Variants in PDLIM1 observed in about 807,000 individuals in gnomAD.
The protein encoded by PDLIM1 is PDZ and LIM domain protein 1.
In PDLIM1, 25 loss-of-function variants were observed where a neutral mutation model predicts 35.2. The ratio of observed to expected loss-of-function variants is 0.71; its 90% CI spans 0.52 to 0.99. PDLIM1 has a LOEUF of 0.99. PDLIM1 is among the 50% of genes least tolerant of loss of function. The pLI is 0.00. For synonymous variants in PDLIM1, 152 were observed against 154.0 expected (o/e 0.99, Z 0.10); for missense variants, 363 against 415.3 (o/e 0.87, Z 1.09).
intron 5 of PDLIM1, among the ~76,000 whole-genome samples, chr10:95,245,022 A>G (rs2035207887): frequency 6.6e-6 from 1 of 152,236 alleles, no homozygotes; most frequent in South Asian, 2.1e-4. Flanking sequence ...TAATGCGGGT[A>G]CACAGTAAGA....
At chr10:95,271,868 G>A (rs1433680485) in intron 1 of PDLIM1, 84 bp from the exon 2 acceptor site, 1 of 1,290,150 alleles carries the variant, frequency 7.8e-7, no homozygotes, top group South Asian at 1.3e-5. Context: ...CACTGATATG[G>A]AGCAAAGCCC....
At chr10:95,270,100 G>T (rs774507876) in intron 2 of PDLIM1, among the ~76,000 whole-genome samples, 1 of 152,056 alleles carries the variant, frequency 6.6e-6, no homozygotes, top group African/African-American at 2.4e-5. Flanking sequence ...TTTTCAACAT[G>T]CCGGTAAACA....
chr10:95,258,895 C>T (rs745397621), intron 4 of PDLIM1, among the ~76,000 whole-genome samples: 22 of 152,006 alleles, frequency 1.4e-4, no homozygotes, highest in African/African-American at 2.4e-4. Flanking sequence ...CCTATCGATA[C>T]AAAAACCTAA....
At chr10:95,259,247 A>T (rs2035342001) in intron 4 of PDLIM1, among the ~76,000 whole-genome samples, 1 of 152,196 alleles carries the variant, frequency 6.6e-6, no homozygotes, top group Non-Finnish European at 1.5e-5. Context: ...GTGAATCTAC[A>T]ATTATCTCAA....
intron 3 of PDLIM1, 43 bp from the exon 4 acceptor site, chr10:95,264,106 T>C: frequency 1.3e-6 from 2 of 1,531,332 alleles, no homozygotes; most frequent in South Asian, 1.1e-5. Flanking sequence ...GGGCATCCAA[T>C]GCAAACCCCT....
chr10:95,260,536 C>T (rs542289119), intron 4 of PDLIM1, among the ~76,000 whole-genome samples: 58 of 152,258 alleles, frequency 3.8e-4, no homozygotes, highest in African/African-American at 1.3e-3. Context: ...GAGGACCTCC[C>T]CCTCCACTGT....
At chr10:95,250,466 C>T (rs2035257733) in intron 4 of PDLIM1, among the ~76,000 whole-genome samples, 1 of 151,988 alleles carries the variant, frequency 6.6e-6, no homozygotes, top group African/African-American at 2.4e-5. Flanking sequence ...TATTGATACA[C>T]CTGACTCAAA....
intron 3 of PDLIM1, among the ~76,000 whole-genome samples, chr10:95,267,029 C>T (rs1193539552): frequency 6.6e-6 from 1 of 152,146 alleles, no homozygotes; most frequent in Non-Finnish European, 1.5e-5. Context: ...TGCTCTTACT[C>T]ATTTATCCTC....
At chr10:95,270,751 A>G (rs2035457100) in intron 2 of PDLIM1, among the ~76,000 whole-genome samples, 1 of 151,876 alleles carries the variant, frequency 6.6e-6, no homozygotes, top group Non-Finnish European at 1.5e-5. Flanking sequence ...GCAGCATCCT[A>G]AGGACATTTT....
intron 4 of PDLIM1, among the ~76,000 whole-genome samples, chr10:95,249,764 G>A (rs770678883): frequency 1.3e-5 from 2 of 152,102 alleles, no homozygotes; most frequent in Non-Finnish European, 2.9e-5. Flanking sequence ...AGCAATCAAG[G>A]TCCAGGTGTT....
chr10:95,262,955 C>A (rs1274063701), intron 4 of PDLIM1, among the ~76,000 whole-genome samples: 1 of 151,954 alleles, frequency 6.6e-6, no homozygotes, highest in Non-Finnish European at 1.5e-5. Flanking sequence ...CCAGCCTGGG[C>A]AACACAGTGA....
At chr10:95,268,389 AG>A (rs1285030363) in intron 3 of PDLIM1, among the ~76,000 whole-genome samples, 1 of 152,222 alleles carries the variant, frequency 6.6e-6, no homozygotes, top group Non-Finnish European at 1.5e-5. Context: ...GATTTCTTCT[AG>A]GCTCTAGGCC....
At position 95,268,288 on chromosome 10, in the gene PDLIM1, A is replaced by T. The variant is rs117714942; in HGVS notation, c.333+490T>A. On this transcript the variant is annotated intron_variant, in intron 3 of 6. Coordinates refer to ENST00000329399, the MANE Select transcript of PDLIM1 (RefSeq NM_020992.4). ...AAAGTCTCACTAGAAGTTTCACTGT[A>T]ACAAAAATAGAGATTTCCACTCCAT... Among the ~76,000 whole-genome samples, 908 of 152,326 alleles carry T rather than the reference A, an allele frequency of 6.0e-3. 5 individuals are homozygous for T. The highest frequency in any genetic ancestry group is 0.01 in the Non-Finnish European group (699 of 68,034).
At chr10:95,240,837 G>A (rs1326665824) in intron 5 of PDLIM1, among the ~76,000 whole-genome samples, 1 of 152,140 alleles carries the variant, frequency 6.6e-6, no homozygotes, top group Admixed American at 6.5e-5. Flanking sequence ...TAGATGCTGA[G>A]CTGCCTAAGG....
chr10:95,271,436 C>CA (rs5787128), intron 2 of PDLIM1, among the ~76,000 whole-genome samples, 197 bp downstream of exon 2: 953 of 71,462 alleles, frequency 0.013, 7 homozygotes, highest in South Asian at 0.017. Flanking sequence ...GACTCCGTCT[C>CA]AAAAAAAAAA....
chr10:95,247,508 C>T, intron 4 of PDLIM1, 142 bp from the exon 5 acceptor site: 1 of 642,656 alleles, frequency 1.6e-6, no homozygotes, highest in Non-Finnish European at 2.6e-6. Flanking sequence ...CAGCCACAGA[C>T]CTGCTGCCAG....
chr10:95,257,934 G>A (rs1006586080), intron 4 of PDLIM1, among the ~76,000 whole-genome samples: 18 of 152,276 alleles, frequency 1.2e-4, no homozygotes, highest in African/African-American at 3.9e-4. Context: ...TTTTCATGCC[G>A]CAGATAAAGA....
At chr10:95,272,453 G>A (rs980095294) in intron 1 of PDLIM1, among the ~76,000 whole-genome samples, 11 of 152,044 alleles carry the variant, frequency 7.2e-5, no homozygotes, top group East Asian at 1.9e-4. Context: ...CAAGGCAGGC[G>A]GATCACCTGA....
intron 3 of PDLIM1, among the ~76,000 whole-genome samples, chr10:95,267,409 G>A (rs954024782): frequency 1.2e-4 from 18 of 152,110 alleles, no homozygotes; most frequent in African/African-American, 4.3e-4. Context: ...AAGTAGCTGA[G>A]AACTCCCAAG....
Sources: allele counts gnomAD v4.1 joint callset (sites outside exome capture counted in the v4.1 genomes callset), GRCh38; gene constraint gnomAD v4.1.1; transcripts MANE v1.5; gene names NCBI Gene and HGNC (gene_info 2026-07-23, HGNC 2026-07-21).